The following METTL15 variants were observed in gnomAD, a reference collection of about 807,000 sequenced individuals.
METTL15 encodes the protein methyltransferase 15, mitochondrial 12S rRNA N4-cytidine.
A neutral mutation model predicts 38.3 loss-of-function variants in METTL15; 34 were observed. The observed-to-expected ratio is 0.89, with a 90% CI of 0.68 to 1.18. The LOEUF (loss-of-function observed/expected upper bound fraction) is 1.18. METTL15 is among the 50% of genes most tolerant of loss of function. The pLI is 0.00. For missense variants in METTL15, 438 were observed against 498.4 expected, an observed-to-expected ratio of 0.88 and a Z score of 1.15; for synonymous variants, 162 against 170.9, an observed-to-expected ratio of 0.95 and a Z score of 0.41.
chr11:28,117,096 G>C (rs915448377), intron 3 of METTL15, among the ~76,000 whole-genome samples: 1 of 151,854 alleles, frequency 6.6e-6, no homozygotes, highest in Admixed American at 6.6e-5. Context: ...AATTCTCTTC[G>C]TGCTTTAAAA....
At chr11:28,161,086 T>C (rs1194570608) in intron 3 of METTL15, among the ~76,000 whole-genome samples, 1 of 149,442 alleles carries the variant, frequency 6.7e-6, no homozygotes, top group South Asian at 2.1e-4. Context: ...GACAGTGATA[T>C]AGTCAGATGT....
intron 5 of METTL15, among the ~76,000 whole-genome samples, chr11:28,417,178 G>A (rs115457014): frequency 1.4e-3 from 215 of 152,278 alleles, no homozygotes; most frequent in African/African-American, 5.0e-3. Flanking sequence ...TGTTGTACAT[G>A]CCATCTCTGG....
intron 6 of METTL15, among the ~76,000 whole-genome samples, chr11:28,306,385 T>G (rs1287467122): frequency 6.6e-6 from 1 of 152,080 alleles, no homozygotes; most frequent in African/African-American, 2.4e-5. Flanking sequence ...GAAGAAAGAT[T>G]ATTTGTTCCT....
chr11:28,215,408 T>C (rs529563199), intron 4 of METTL15, among the ~76,000 whole-genome samples: 3 of 152,052 alleles, frequency 2.0e-5, no homozygotes, highest in East Asian at 1.9e-4. Context: ...ATGACCCACG[T>C]TGGAGAAGAG....
At chr11:28,313,213 A>T (rs1026957043) in intron 6 of METTL15, among the ~76,000 whole-genome samples, 1 of 152,118 alleles carries the variant, frequency 6.6e-6, no homozygotes, top group Non-Finnish European at 1.5e-5. Flanking sequence ...TATTGTAATG[A>T]TTAGAAATTA....
intron 5 of METTL15, among the ~76,000 whole-genome samples, chr11:28,375,516 C>T (rs889818742): frequency 1.3e-5 from 2 of 151,670 alleles, no homozygotes; most frequent in African/African-American, 4.8e-5. Flanking sequence ...GGTAATATCC[C>T]CTTTATCATT....
chr11:28,351,561 T>C (rs1000141013), intron 3 of METTL15, among the ~76,000 whole-genome samples: 2 of 152,242 alleles, frequency 1.3e-5, no homozygotes, highest in South Asian at 2.1e-4. Context: ...TGTGAGAAAG[T>C]GTTTTATAAA....
At chr11:28,226,216 A>G (rs1853471870) in intron 4 of METTL15, among the ~76,000 whole-genome samples, 1 of 151,846 alleles carries the variant, frequency 6.6e-6, no homozygotes, top group Non-Finnish European at 1.5e-5. Context: ...GAACATTCTT[A>G]ACCTTTTTCC....
intron 5 of METTL15, among the ~76,000 whole-genome samples, chr11:28,420,262 C>G (rs1850808299): frequency 6.6e-6 from 1 of 152,144 alleles, no homozygotes; most frequent in South Asian, 2.1e-4. Flanking sequence ...ACTCCCAATA[C>G]AGTAATAACT....
At chr11:28,451,314 G>C (rs1208616436) in intron 6 of METTL15, among the ~76,000 whole-genome samples, 1 of 152,236 alleles carries the variant, frequency 6.6e-6, no homozygotes, top group South Asian at 2.1e-4. Flanking sequence ...GGCAGGGCTC[G>C]GTGGTTCATG....
chr11:28,284,257 T>C (rs1360416079), intron 4 of METTL15, among the ~76,000 whole-genome samples: 1 of 152,208 alleles, frequency 6.6e-6, no homozygotes, highest in African/African-American at 2.4e-5. Flanking sequence ...TGTACCACAA[T>C]GATTATTACA....
chr11:28,404,265 T>TC (rs1163547083), intron 5 of METTL15, among the ~76,000 whole-genome samples: 1 of 152,096 alleles, frequency 6.6e-6, no homozygotes, highest in Non-Finnish European at 1.5e-5. Context: ...CTGCCATACT[T>TC]CATTCTGTCT....
chr11:28,219,913 A>G lies in METTL15; in HGVS notation c.407+8715A>G, dbSNP rs1279029879. ...TCCTGATTTCTAGGTTGATTGCACT[A>G]TGGTCTGAGAGACAGTTCGTTATAA... On this transcript the variant is annotated intron_variant, in intron 4 of 6. Transcript: ENST00000407364. Among the ~76,000 whole-genome samples, 6 of 152,108 alleles carry G rather than the reference A, an allele frequency of 3.9e-5. No homozygotes were observed. In the East Asian group the frequency reaches 5.8e-4, roughly 15 times the overall value.
chr11:28,255,616 T>C (rs1854939795), intron 4 of METTL15, among the ~76,000 whole-genome samples: 1 of 152,190 alleles, frequency 6.6e-6, no homozygotes, highest in Non-Finnish European at 1.5e-5. Context: ...GTTGAGATGT[T>C]TTCCTTCAGT....
intron 3 of METTL15, among the ~76,000 whole-genome samples, chr11:28,204,806 G>T (rs1852255960): frequency 6.6e-6 from 1 of 151,810 alleles, no homozygotes. Flanking sequence ...TTTATTCTTA[G>T]ATGAAACAAT....
In METTL15 at chr11:28,332,485, TAAATA is replaced by T. The variant is rs1002393410; in HGVS notation, c.*1645_*1649del. 6.6e-6 allele frequency: 1 copy of T among 151,718 alleles called. No individual in the cohort carries two copies. The highest frequency in any genetic ancestry group is 2.4e-5 in the African/African-American group (1 of 41,138). The allele number at this position is 151,718 out of a possible 1,614,324, so 9.4% of individuals were successfully genotyped here. A position where few individuals can be genotyped will look rare whatever the true frequency, so the allele number is the denominator to read the frequency against. ...ATAGTATGGGAATTATTTTTTATGT[TAAATA>T]GAAACTGAATGTACTGGGTTGAATG... On this transcript the variant is annotated 3_prime_UTR_variant, in exon 7 of 7. Coordinates refer to ENST00000407364, the MANE Select transcript of METTL15 (RefSeq NM_001113528.2).
intron 4 of METTL15, among the ~76,000 whole-genome samples, chr11:28,265,460 CTT>C (rs1004575885): frequency 4.0e-5 from 6 of 151,870 alleles, no homozygotes; most frequent in Non-Finnish European, 8.8e-5. Context: ...TAGGCCTTCT[CTT>C]TATTATCTTT....
chr11:28,110,896 A>G (rs1044751816), intron 2 of METTL15, among the ~76,000 whole-genome samples: 3 of 152,214 alleles, frequency 2.0e-5, no homozygotes, highest in African/African-American at 7.2e-5. Flanking sequence ...CTAGGAGATC[A>G]CAGAGGCAGT....
chr11:28,131,237 C>T (rs562749339), intron 3 of METTL15, among the ~76,000 whole-genome samples: 1 of 152,308 alleles, frequency 6.6e-6, no homozygotes, highest in Admixed American at 6.5e-5. Flanking sequence ...AGCAGAGAAT[C>T]ACCTGGCAAC....
Sources: gnomAD v4.1 joint callset for allele counts (sites outside exome capture counted in the v4.1 genomes callset) on GRCh38, gnomAD v4.1.1 for gene constraint, MANE v1.5 for transcripts, NCBI Gene and HGNC (gene_info 2026-07-23, HGNC 2026-07-21) for gene names.